CDH6: variants seen among roughly 807,000 people sequenced by gnomAD.
CDH6 encodes the protein cadherin-6.
CDH6 carries 31 observed loss-of-function variants against 78.0 expected under a neutral mutation model. That is an observed-to-expected ratio of 0.40 (90% CI 0.30 to 0.54). The LOEUF (loss-of-function observed/expected upper bound fraction) is 0.54. CDH6 is among the 20% of genes least tolerant of loss of function. The pLI is 0.56. For synonymous variants in CDH6, 376 were observed against 368.8 expected, an observed-to-expected ratio of 1.02 and a Z score of -0.23; for missense variants, 724 against 975.9, an observed-to-expected ratio of 0.74 and a Z score of 3.44.
chr5:31,240,131 A>G (rs976445878), intron 1 of CDH6, among the ~76,000 whole-genome samples: 1 of 152,190 alleles, frequency 6.6e-6, no homozygotes, highest in Non-Finnish European at 1.5e-5. Flanking sequence ...TCTGCTTTGT[A>G]TATGACTGTC....
intron 1 of CDH6, among the ~76,000 whole-genome samples, chr5:31,242,583 C>T (rs1456360365): frequency 6.6e-6 from 1 of 151,970 alleles, no homozygotes; most frequent in Non-Finnish European, 1.5e-5. Flanking sequence ...GTGGCAGGAT[C>T]GTAGCATGCA....
At chr5:31,200,537 T>C (rs994276632) in intron 1 of CDH6, among the ~76,000 whole-genome samples, 1 of 150,734 alleles carries the variant, frequency 6.6e-6, no homozygotes, top group Admixed American at 6.7e-5. Context: ...TTGTTCTGAA[T>C]GATTTACCAA....
intron 2 of CDH6, among the ~76,000 whole-genome samples, chr5:31,280,883 A>G (rs1431395707): frequency 1.3e-5 from 2 of 151,118 alleles, no homozygotes; most frequent in African/African-American, 4.9e-5. Context: ...AGAGCTTTTG[A>G]AATCTAAGCT....
intron 1 of CDH6, among the ~76,000 whole-genome samples, chr5:31,219,882 C>A (rs904613883): frequency 6.6e-6 from 1 of 152,200 alleles, no homozygotes; most frequent in Admixed American, 6.6e-5. Flanking sequence ...GGAGGTCAAT[C>A]TCCATTCACA....
chr5:31,265,992 G>A (rs1466240312), intron 1 of CDH6, among the ~76,000 whole-genome samples: 1 of 151,624 alleles, frequency 6.6e-6, no homozygotes, highest in African/African-American at 2.4e-5. Context: ...TAGCCAGGAT[G>A]GTCTCGATCT....
chr5:31,261,228 C>A (rs961633633), intron 1 of CDH6, among the ~76,000 whole-genome samples: 1 of 152,006 alleles, frequency 6.6e-6, no homozygotes, highest in Non-Finnish European at 1.5e-5. Flanking sequence ...CCTCATTGCC[C>A]ACAAAGACAG....
At chr5:31,261,006 CAA>C (rs1742197860) in intron 1 of CDH6, among the ~76,000 whole-genome samples, 2 of 152,164 alleles carry the variant, frequency 1.3e-5, no homozygotes, top group Admixed American at 1.3e-4. Flanking sequence ...CTATTCAAAA[CAA>C]AGTTTCTTGG....
chr5:31,302,479 T>G lies in CDH6; in HGVS notation c.999+181T>G, dbSNP rs1737792051. On this transcript the variant is annotated intron_variant, in intron 6 of 11. Coordinates refer to ENST00000265071, the MANE Select transcript of CDH6 (RefSeq NM_004932.4). Reference sequence around the variant, plus strand: ...GGCTCCCGCCTGTAATCCCAGCACTTTTGGGGGCCAAGGCAGGAGGATCTC... The same window carrying G: ...GGCTCCCGCCTGTAATCCCAGCACTGTTGGGGGCCAAGGCAGGAGGATCTC... 2.1e-5 allele frequency: 10 copies of G among 485,224 alleles called. 1 individual carries two copies. In the South Asian group the frequency reaches 3.9e-4, roughly 19 times the overall value. The allele number at this position is 485,224 out of a possible 1,614,324, so 30.1% of individuals were successfully genotyped here.
intron 2 of CDH6, among the ~76,000 whole-genome samples, chr5:31,282,796 C>G (rs138828189): frequency 6.6e-6 from 1 of 152,284 alleles, no homozygotes; most frequent in Non-Finnish European, 1.5e-5. Context: ...TAGGCTTAAA[C>G]TTCTTTTGCT....
chr5:31,290,633 C>A (rs1743128893), intron 2 of CDH6, among the ~76,000 whole-genome samples: 1 of 152,182 alleles, frequency 6.6e-6, no homozygotes, highest in South Asian at 2.1e-4. Flanking sequence ...TTCACCACCA[C>A]TTTCACAGGC....
At chr5:31,227,143 G>T (rs938411569) in intron 1 of CDH6, among the ~76,000 whole-genome samples, 4 of 152,134 alleles carry the variant, frequency 2.6e-5, no homozygotes, top group African/African-American at 9.6e-5. Context: ...GGAAAGAAGA[G>T]TGGAGGTATC....
intron 1 of CDH6, among the ~76,000 whole-genome samples, chr5:31,267,004 GA>G (rs1455398962): frequency 6.6e-6 from 1 of 152,184 alleles, no homozygotes; most frequent in African/African-American, 2.4e-5. Context: ...AATAGAATCA[GA>G]AACACAAACT....
chr5:31,297,493 T>C (rs908232780), intron 4 of CDH6, 85 bp downstream of exon 4: 1 of 1,002,452 alleles, frequency 1.0e-6, no homozygotes, highest in African/African-American at 1.6e-5. Context: ...ATAAAAATAA[T>C]CAATGTGATT....
chr5:31,285,307 T>C (rs1742981796), intron 2 of CDH6, among the ~76,000 whole-genome samples: 1 of 152,210 alleles, frequency 6.6e-6, no homozygotes, highest in Non-Finnish European at 1.5e-5. Flanking sequence ...TAAATCATTT[T>C]TCTCCCATCA....
intron 1 of CDH6, chr5:31,249,157 T>C (rs1043204593): frequency 3.3e-5 from 5 of 152,166 alleles, no homozygotes; most frequent in Admixed American, 6.5e-5. Flanking sequence ...TTTAAATAAA[T>C]TTGGGGAAAA....
intron 1 of CDH6, among the ~76,000 whole-genome samples, chr5:31,219,471 A>T (rs1740952392): frequency 1.3e-5 from 2 of 152,008 alleles, no homozygotes; most frequent in South Asian, 4.2e-4. Context: ...TACTCTCTGA[A>T]ACTCCCTTTC....
intron 1 of CDH6, among the ~76,000 whole-genome samples, chr5:31,244,540 A>T (rs1741690855): frequency 6.6e-6 from 1 of 151,904 alleles, no homozygotes; most frequent in Non-Finnish European, 1.5e-5. Flanking sequence ...AGCAGACAAG[A>T]ACTGGGGACT....
chr5:31,238,335 A>G lies in CDH6; in HGVS notation c.-128-29011A>G, dbSNP rs180755668. Among the ~76,000 whole-genome samples the G allele has an allele frequency of 2.0e-3, 311 of 152,288 alleles. 3 individuals are homozygous for G. The highest frequency in any genetic ancestry group is 7.0e-3 in the African/African-American group (291 of 41,568). On this transcript the variant is annotated intron_variant, in intron 1 of 11. Coordinates refer to ENST00000265071, the MANE Select transcript of CDH6 (RefSeq NM_004932.4). ...CTCTGGTGAGAACTGAAATGTACCCATTACAAAGTATATTTTACTATTTCA... is the reference window on the plus strand; with the variant it reads ...CTCTGGTGAGAACTGAAATGTACCCGTTACAAAGTATATTTTACTATTTCA...
chr5:31,250,723 CAGCTGG>C (rs1381273953), intron 1 of CDH6: 1 of 152,514 alleles, frequency 6.6e-6, no homozygotes, highest in African/African-American at 2.4e-5. Flanking sequence ...GTCAAATGGC[CAGCTGG>C]AGCAGGGGCA....
Sources: allele counts gnomAD v4.1 joint callset (sites outside exome capture counted in the v4.1 genomes callset), GRCh38; gene constraint gnomAD v4.1.1; transcripts MANE v1.5; gene names NCBI Gene and HGNC (gene_info 2026-07-23, HGNC 2026-07-21).